HPSE2: variants seen among roughly 807,000 people sequenced by gnomAD.
The protein encoded by HPSE2 is inactive heparanase-2.
HPSE2 carries 38 observed loss-of-function variants against 60.5 expected under a neutral mutation model. That is an observed-to-expected ratio of 0.63 (90% CI 0.48 to 0.82). HPSE2 has a LOEUF of 0.82. Ranked by LOEUF, HPSE2 falls within the 40% of genes least tolerant of loss-of-function variation. The pLI, the probability that HPSE2 is intolerant of heterozygous loss-of-function variation, is 0.00. For missense variants in HPSE2, 713 were observed against 740.4 expected, an observed-to-expected ratio of 0.96 and a Z score of 0.43; for synonymous variants, 295 against 293.2, an observed-to-expected ratio of 1.01 and a Z score of -0.06.
intron 3 of HPSE2, among the ~76,000 whole-genome samples, chr10:98,792,206 G>GTT (rs150451358): frequency 6.8e-6 from 1 of 146,994 alleles, no homozygotes; most frequent in African/African-American, 2.5e-5. Context: ...CAATCAAAAG[G>GTT]TTTTTTTTTT....
the HPSE2 span, among the ~76,000 whole-genome samples, chr10:99,295,207 G>A: frequency 8.6e-5 from 13 of 151,928 alleles, no homozygotes; most frequent in African/African-American, 3.1e-4. Context: ...TTCAACAGAC[G>A]AGTACTATAT....
At chr10:99,022,668 G>T (rs911937613) in intron 3 of HPSE2, among the ~76,000 whole-genome samples, 1 of 152,124 alleles carries the variant, frequency 6.6e-6, no homozygotes, top group Non-Finnish European at 1.5e-5. Context: ...GCCACAGCAG[G>T]ATAGGCACTG....
intron 8 of HPSE2, among the ~76,000 whole-genome samples, chr10:98,618,162 TG>T (rs938063337): frequency 1.3e-5 from 2 of 151,978 alleles, no homozygotes; most frequent in African/African-American, 4.8e-5. Context: ...GTAAGAGAGA[TG>T]GGGAGCAGAA....
the HPSE2 span, among the ~76,000 whole-genome samples, chr10:99,246,263 G>C: frequency 6.6e-6 from 1 of 152,152 alleles, no homozygotes; most frequent in Non-Finnish European, 1.5e-5. Flanking sequence ...TATTTATTGA[G>C]GTCTGACAAT....
intron 9 of HPSE2, among the ~76,000 whole-genome samples, chr10:98,519,099 C>A (rs1174355170): frequency 2.0e-5 from 3 of 152,086 alleles, no homozygotes; most frequent in Non-Finnish European, 4.4e-5. Flanking sequence ...ATGTATGTGC[C>A]AGAAAGTCTC....
chr10:98,947,956 C>A (rs928459001), intron 3 of HPSE2, among the ~76,000 whole-genome samples: 1 of 152,092 alleles, frequency 6.6e-6, no homozygotes, highest in African/African-American at 2.4e-5. Flanking sequence ...GGATTCAACA[C>A]TGAAGTCATC....
chr10:98,928,951 C>A (rs2135100665), intron 3 of HPSE2, among the ~76,000 whole-genome samples: 1 of 139,952 alleles, frequency 7.1e-6, no homozygotes, highest in South Asian at 2.2e-4. Context: ...AACTAACCTG[C>A]ACATTGTGCA....
chr10:98,568,954 ATAGT>A (rs1342010461), intron 9 of HPSE2, among the ~76,000 whole-genome samples: 2 of 152,162 alleles, frequency 1.3e-5, no homozygotes, highest in African/African-American at 2.4e-5. Context: ...GATAGTGGAG[ATAGT>A]TGTATAACTC....
intron 3 of HPSE2, among the ~76,000 whole-genome samples, chr10:98,788,745 G>T (rs1396234499): frequency 2.0e-5 from 3 of 151,624 alleles, no homozygotes; most frequent in Non-Finnish European, 4.4e-5. Context: ...GACTCGGAAA[G>T]GGAACTCCCT....
At chr10:98,805,895 G>C (rs1005218878) in intron 3 of HPSE2, among the ~76,000 whole-genome samples, 1 of 152,126 alleles carries the variant, frequency 6.6e-6, no homozygotes, top group South Asian at 2.1e-4. Context: ...GAAAAGTGTG[G>C]TTGTAAATTT....
chr10:98,558,523 T>C (rs1944080097), intron 9 of HPSE2, among the ~76,000 whole-genome samples: 1 of 152,178 alleles, frequency 6.6e-6, no homozygotes, highest in Admixed American at 6.5e-5. Flanking sequence ...AAATACTCTA[T>C]GATTCCATTT....
chr10:98,764,591 C>T (rs1326911608), intron 3 of HPSE2, among the ~76,000 whole-genome samples: 2 of 152,152 alleles, frequency 1.3e-5, no homozygotes, highest in East Asian at 1.9e-4. Flanking sequence ...TGGTGGCTCA[C>T]GCCTGTAATC....
At chr10:98,799,702 A>C in intron 3 of HPSE2, among the ~76,000 whole-genome samples, 1 of 152,186 alleles carries the variant, frequency 6.6e-6, no homozygotes, top group East Asian at 1.9e-4. Flanking sequence ...CCATGAAGGA[A>C]TTAAGAAAAT....
At chr10:99,274,376 C>G in the HPSE2 span, among the ~76,000 whole-genome samples, 1 of 152,004 alleles carries the variant, frequency 6.6e-6, no homozygotes, top group Non-Finnish European at 1.5e-5. Flanking sequence ...GTCCACAAAC[C>G]TGCACGTCCT....
chr10:98,952,913 G>C (rs1955405961), intron 3 of HPSE2, among the ~76,000 whole-genome samples: 1 of 152,088 alleles, frequency 6.6e-6, no homozygotes, highest in Admixed American at 6.6e-5. Flanking sequence ...TCCAAATATA[G>C]TCCACATTGG....
At chr10:99,025,290 A>C (rs1297360834) in intron 3 of HPSE2, among the ~76,000 whole-genome samples, 2 of 152,120 alleles carry the variant, frequency 1.3e-5, no homozygotes, top group Non-Finnish European at 2.9e-5. Flanking sequence ...AAGCAGTGTG[A>C]CAATTCCTCA....
At position 99,221,108 on chromosome 10, in the gene HPSE2, G is replaced by T. The variant is rs576966370; in HGVS notation, c.448+11240C>A. Among the ~76,000 whole-genome samples the T allele has an allele frequency of 5.9e-5, 9 of 152,170 alleles. No individual in the cohort carries two copies. The South Asian group carries it at 1.9e-3, about 32-fold the overall frequency. ...GATCCGCCCGCCTCAGCCTCCCAAA[G>T]TGCTGGAATTACAGGCATGAGCCAC... On this transcript the variant is annotated intron_variant, in intron 2 of 11. Coordinates refer to ENST00000370552, the MANE Select transcript of HPSE2 (RefSeq NM_021828.5).
At chr10:99,037,749 C>T (rs1395440463) in intron 3 of HPSE2, among the ~76,000 whole-genome samples, 1 of 151,742 alleles carries the variant, frequency 6.6e-6, no homozygotes, top group Non-Finnish European at 1.5e-5. Context: ...TCAATAATAC[C>T]TTGCCTATTA....
the HPSE2 span, among the ~76,000 whole-genome samples, chr10:99,276,242 T>C: frequency 6.6e-6 from 1 of 152,244 alleles, no homozygotes; most frequent in Admixed American, 6.5e-5. Context: ...CCAGACACTA[T>C]ATACTCGGTG....
Sources: allele counts gnomAD v4.1 joint callset (sites outside exome capture counted in the v4.1 genomes callset), GRCh38; gene constraint gnomAD v4.1.1; transcripts MANE v1.5; gene names NCBI Gene and HGNC (gene_info 2026-07-23, HGNC 2026-07-21).